Variants in ERBB4 observed in about 807,000 individuals in gnomAD.
The protein encoded by ERBB4 is erb-b2 receptor tyrosine kinase 4.
Under a neutral mutation model 158.0 loss-of-function variants are expected in ERBB4, and 42 were observed. That is an observed-to-expected ratio of 0.27 (90% CI 0.21 to 0.34). The LOEUF (loss-of-function observed/expected upper bound fraction) is 0.34. Among genes scored for constraint, ERBB4 ranks in the 10% least tolerant of loss-of-function variants. The pLI is 1.00. For synonymous variants in ERBB4, 583 were observed against 558.7 expected (o/e 1.04, Z -0.61); for missense variants, 1,333 against 1,624.1 (o/e 0.82, Z 3.08).
intron 1 of ERBB4, among the ~76,000 whole-genome samples, chr2:212,241,971 G>C (rs2084124382): frequency 6.7e-6 from 1 of 150,208 alleles, no homozygotes; most frequent in Non-Finnish European, 1.5e-5. Context: ...GTCATAATTT[G>C]ATGAATGAAA....
At position 212,514,425 on chromosome 2, in the gene ERBB4, T is replaced by C. The variant is rs551642434; in HGVS notation, c.82+24024A>G. On this transcript the variant is annotated intron_variant, in intron 1 of 27. Transcript: ENST00000342788. Reference sequence around the variant, plus strand: ...AATATTATCCTGTATTTACATAATTTTTCAGCATTATTCAAATACATTAGT... The same window carrying C: ...AATATTATCCTGTATTTACATAATTCTTCAGCATTATTCAAATACATTAGT... Among the ~76,000 whole-genome samples, 5 of 152,350 alleles carry C rather than the reference T, an allele frequency of 3.3e-5. No individual in the cohort carries two copies. In the South Asian group the frequency reaches 1.0e-3, roughly 32 times the overall value.
intron 5 of ERBB4, among the ~76,000 whole-genome samples, chr2:211,744,761 AT>A (rs1273580895): frequency 6.6e-6 from 1 of 152,172 alleles, no homozygotes; most frequent in Non-Finnish European, 1.5e-5. Flanking sequence ...AGTCTATGAA[AT>A]ATATGCGTCA....
intron 20 of ERBB4, among the ~76,000 whole-genome samples, chr2:211,459,323 C>T (rs560215835): frequency 1.2e-4 from 19 of 152,302 alleles, no homozygotes; most frequent in African/African-American, 4.1e-4. Flanking sequence ...TCTATTTGAA[C>T]GCCTCATGTT....
intron 4 of ERBB4, among the ~76,000 whole-genome samples, chr2:211,764,862 AGGAGGACAG>A (rs1187900722): frequency 6.6e-6 from 1 of 152,204 alleles, no homozygotes; most frequent in Admixed American, 6.5e-5. Context: ...AACGGATTTT[AGGAGGACAG>A]GAATCCATTA....
chr2:212,491,391 A>T (rs1192906377), intron 1 of ERBB4, among the ~76,000 whole-genome samples: 1 of 151,592 alleles, frequency 6.6e-6, no homozygotes, highest in Non-Finnish European at 1.5e-5. Flanking sequence ...GATCCCCACC[A>T]TTTTGAAGGC....
chr2:212,224,641 C>T (rs1176748610), intron 1 of ERBB4, among the ~76,000 whole-genome samples: 1 of 151,868 alleles, frequency 6.6e-6, no homozygotes, highest in African/African-American at 2.4e-5. Flanking sequence ...AACAATTAAC[C>T]CCCTTCCCAC....
In ERBB4 at chr2:211,893,454, A is replaced by T. The variant is rs1271170257; in HGVS notation, c.421+53976T>A. 2.1e-5 allele frequency among the ~76,000 whole-genome samples: 3 copies of T among 140,032 alleles called. 1 individual carries two copies. The highest frequency in any genetic ancestry group is 8.7e-5 in the African/African-American group (3 of 34,598). 91.9% of individuals were successfully genotyped at this position (140,032 alleles called of 152,430 possible). A position where few individuals can be genotyped will look rare whatever the true frequency, so the allele number is the denominator to read the frequency against. ...AAACGTTAGACCTAAAACCATAAAA[A>T]CCCTAGAAGAAAACCTAGGCATTAC... On this transcript the variant is annotated intron_variant, in intron 3 of 27. Coordinates refer to ENST00000342788, the MANE Select transcript of ERBB4 (RefSeq NM_005235.3).
At chr2:212,295,503 C>A (rs1246733542) in intron 1 of ERBB4, among the ~76,000 whole-genome samples, 1 of 152,072 alleles carries the variant, frequency 6.6e-6, no homozygotes, top group Admixed American at 6.6e-5. Flanking sequence ...TATGCACTTA[C>A]TCTTTCATAC....
intron 2 of ERBB4, among the ~76,000 whole-genome samples, chr2:211,987,923 G>C (rs751839798): frequency 3.3e-5 from 5 of 152,014 alleles, no homozygotes; most frequent in Non-Finnish European, 7.4e-5. Flanking sequence ...TTCAGAACTC[G>C]CCACTAAAGT....
chr2:212,222,373 T>C (rs956030915), intron 1 of ERBB4, among the ~76,000 whole-genome samples: 6 of 151,678 alleles, frequency 4.0e-5, no homozygotes, highest in African/African-American at 1.4e-4. Flanking sequence ...ATATGAATTT[T>C]AGTAAATAAA....
At chr2:211,843,496 G>A (rs1013482631) in intron 3 of ERBB4, among the ~76,000 whole-genome samples, 1 of 152,004 alleles carries the variant, frequency 6.6e-6, no homozygotes, top group Admixed American at 6.6e-5. Context: ...ACCACAGACT[G>A]AGAAAGATTG....
intron 20 of ERBB4, among the ~76,000 whole-genome samples, chr2:211,490,450 G>A (rs149209143): frequency 5.3e-5 from 8 of 152,088 alleles, no homozygotes; most frequent in East Asian, 1.9e-4. Flanking sequence ...AGCATTCAAC[G>A]TATTTCACTA....
chr2:212,087,327 C>T (rs538897080), intron 2 of ERBB4, among the ~76,000 whole-genome samples: 6 of 151,944 alleles, frequency 3.9e-5, no homozygotes, highest in Non-Finnish European at 8.8e-5. Context: ...ATGATTTATA[C>T]TGTGATAAGT....
intron 12 of ERBB4, among the ~76,000 whole-genome samples, chr2:211,689,228 T>A (rs146258190): frequency 2.6e-5 from 4 of 152,340 alleles, no homozygotes; most frequent in Non-Finnish European, 5.9e-5. Context: ...AGTGTTTCAC[T>A]CTGTTGCCCT....
intron 2 of ERBB4, among the ~76,000 whole-genome samples, chr2:212,086,381 T>C (rs1320676847): frequency 6.6e-6 from 1 of 151,134 alleles, no homozygotes; most frequent in African/African-American, 2.4e-5. Flanking sequence ...AGAAAAAATA[T>C]CTTTGGATTC....
intron 1 of ERBB4, among the ~76,000 whole-genome samples, chr2:212,431,193 T>C (rs989245929): frequency 1.3e-5 from 2 of 151,252 alleles, no homozygotes; most frequent in Admixed American, 6.6e-5. Context: ...AATAAGCATA[T>C]GTCACATGAA....
chr2:212,418,183 A>T (rs1036346661), intron 1 of ERBB4, among the ~76,000 whole-genome samples: 4 of 151,978 alleles, frequency 2.6e-5, no homozygotes, highest in African/African-American at 7.2e-5. Context: ...GAGCAGACCA[A>T]GACAGTACTC....
intron 1 of ERBB4, among the ~76,000 whole-genome samples, chr2:212,417,463 G>T (rs1051427010): frequency 2.6e-5 from 4 of 151,882 alleles, no homozygotes; most frequent in Non-Finnish European, 4.4e-5. Flanking sequence ...AATAACAAAT[G>T]CCCATTAAAG....
At chr2:212,378,394 G>C (rs13401112) in intron 1 of ERBB4, among the ~76,000 whole-genome samples, 19,799 of 151,752 alleles carry the variant, frequency 0.13, 1,580 homozygotes, top group African/African-American at 0.22. Flanking sequence ...TCCTGTTTTA[G>C]AGATGGAGGT....
Sources: allele counts gnomAD v4.1 joint callset (sites outside exome capture counted in the v4.1 genomes callset), GRCh38; gene constraint gnomAD v4.1.1; transcripts MANE v1.5; gene names NCBI Gene and HGNC (gene_info 2026-07-23, HGNC 2026-07-21).